PIP5K1C: variants seen among roughly 807,000 people sequenced by gnomAD.
The protein encoded by PIP5K1C is phosphatidylinositol 4-phosphate 5-kinase type-1 gamma.
PIP5K1C carries 45 observed loss-of-function variants against 80.1 expected under a neutral mutation model. The observed-to-expected ratio is 0.56, with a 90% confidence interval of 0.44 to 0.72. The LOEUF is 0.72. Ranked by LOEUF, PIP5K1C falls within the 30% of genes least tolerant of loss-of-function variation. The pLI is 0.00. For missense variants in PIP5K1C, 753 were observed against 954.6 expected, an observed-to-expected ratio of 0.79 and a Z score of 2.78; for synonymous variants, 498 against 420.1, an observed-to-expected ratio of 1.19 and a Z score of -2.27.
chr19:3,638,360 C>A (rs368675729), intron 16 of PIP5K1C, among the ~76,000 whole-genome samples: 1 of 152,100 alleles, frequency 6.6e-6, no homozygotes. Context: ...GGCGTGGGAG[C>A]GTGAAGCCCT....
intron 1 of PIP5K1C, chr19:3,672,501 A>C (rs2145535814): frequency 6.6e-6 from 1 of 152,504 alleles, no homozygotes; most frequent in South Asian, 2.1e-4. Flanking sequence ...TCTGCACAAC[A>C]GGCCTCCGCC....
chr19:3,638,835 A>T (rs1363577399), intron 16 of PIP5K1C, 49 bp downstream of exon 16: 1 of 1,610,430 alleles, frequency 6.2e-7, no homozygotes, highest in Non-Finnish European at 8.5e-7. Flanking sequence ...CGTGTGTGAG[A>T]GAGAGTCCGG....
chr19:3,658,584 C>T (rs1379602565), intron 5 of PIP5K1C, among the ~76,000 whole-genome samples: 2 of 152,218 alleles, frequency 1.3e-5, no homozygotes, highest in African/African-American at 4.8e-5. Context: ...CCTGGGAGGC[C>T]AGGGGACCCC....
intron 1 of PIP5K1C, among the ~76,000 whole-genome samples, chr19:3,680,909 C>T (rs1220751266): frequency 6.6e-6 from 1 of 152,138 alleles, no homozygotes; most frequent in Non-Finnish European, 1.5e-5. Context: ...ATTGTCATGA[C>T]TAAGGGTGCT....
chr19:3,633,405 G>A (rs761506889), intron 17 of PIP5K1C, 32 bp downstream of exon 17: 106 of 1,393,148 alleles, frequency 7.6e-5, no homozygotes, highest in Middle Eastern at 3.7e-4. Context: ...TGGAGCCCAC[G>A]GGACCGGCGG....
chr19:3,637,581 G>A lies in PIP5K1C; in HGVS notation c.1920+1303C>T. ...TCACGGCCCGCAGTCGGCGATGGCG[G>A]GGAGAGTAAATCCAGTACCTCCCAT... On this transcript the variant is annotated intron_variant, in intron 16 of 17. Coordinates refer to ENST00000335312, the MANE Select transcript of PIP5K1C (RefSeq NM_012398.3). The surrounding 1 kb of genome is among the most constrained non-coding windows in gnomAD (Gnocchi z 7.0). 1 of 1,534,496 alleles carries A rather than the reference G, an allele frequency of 6.5e-7. No individual in the cohort carries two copies. Among genetic ancestry groups the A allele is most frequent in the Non-Finnish European group, 8.7e-7 (1 of 1,146,074 alleles).
intron 1 of PIP5K1C, among the ~76,000 whole-genome samples, chr19:3,697,601 A>C (rs543981049): frequency 6.6e-6 from 1 of 152,316 alleles, no homozygotes; most frequent in East Asian, 1.9e-4. Flanking sequence ...CTGAAGGTGA[A>C]GCTGCCATCA....
At chr19:3,653,676 T>C in intron 6 of PIP5K1C, 87 bp from the exon 7 acceptor site, 1 of 1,265,886 alleles carries the variant, frequency 7.9e-7, no homozygotes, top group Non-Finnish European at 1.1e-6. Flanking sequence ...CTCAGGGGGC[T>C]CATGGATGCC....
intron 17 of PIP5K1C, 102 bp downstream of exon 17, chr19:3,633,335 C>T: frequency 2.2e-6 from 2 of 913,538 alleles, no homozygotes; most frequent in Admixed American, 2.9e-5. Context: ...CTGTGCCCTC[C>T]CGCCCCGGGC....
At chr19:3,698,230 C>T (rs920864478) in intron 1 of PIP5K1C, among the ~76,000 whole-genome samples, 18 of 152,350 alleles carry the variant, frequency 1.2e-4, no homozygotes, top group Non-Finnish European at 2.2e-4. Context: ...CCAACCGGCA[C>T]GACAATCACC....
At chr19:3,681,861 T>C (rs529385137) in intron 1 of PIP5K1C, among the ~76,000 whole-genome samples, 1 of 152,036 alleles carries the variant, frequency 6.6e-6, no homozygotes, top group South Asian at 2.1e-4. Context: ...GGGGGTCACT[T>C]AGCCAAACGA....
intron 2 of PIP5K1C, 139 bp downstream of exon 2, chr19:3,667,183 C>T (rs1189709488): frequency 8.1e-6 from 6 of 737,132 alleles, no homozygotes; most frequent in African/African-American, 3.5e-5. Context: ...TCACGTTCAT[C>T]CTGCTTGTGG....
At chr19:3,697,513 A>AGCTGGACCAGGGAGGACCG (rs1568367137) in intron 1 of PIP5K1C, among the ~76,000 whole-genome samples, 1 of 149,162 alleles carries the variant, frequency 6.7e-6, no homozygotes, top group Non-Finnish European at 1.5e-5. Flanking sequence ...AGGGAGGACC[A>AGCTGGACCAGGGAGGACCG]AGCTGGACCC....
At chr19:3,655,978 T>G (rs1324558147) in intron 6 of PIP5K1C, among the ~76,000 whole-genome samples, 1 of 152,222 alleles carries the variant, frequency 6.6e-6, no homozygotes, top group Non-Finnish European at 1.5e-5. Flanking sequence ...GCTGGTCTTT[T>G]GTGGGGTACC....
chr19:3,656,263 G>T, intron 6 of PIP5K1C, 142 bp downstream of exon 6: 1 of 860,798 alleles, frequency 1.2e-6, no homozygotes, highest in Non-Finnish European at 1.9e-6. Flanking sequence ...GGACCCCCGA[G>T]GGTGAGTCCC....
chr19:3,647,320 G>A lies in PIP5K1C; in HGVS notation c.1260+18C>T. The A allele has an allele frequency of 1.3e-6, 2 of 1,561,836 alleles. No individual in the cohort carries two copies. The highest frequency in any genetic ancestry group is 1.7e-6 in the Non-Finnish European group (2 of 1,151,560). On this transcript the variant is annotated intron_variant, in intron 10 of 17. Coordinates refer to ENST00000335312, the MANE Select transcript of PIP5K1C (RefSeq NM_012398.3). ...GGAGGGATGGGAGGAGGAATGGGAG[G>A]AGGGTGCAGGCGCTCACCCCATCGT...
In PIP5K1C at chr19:3,637,799, T is replaced by C; in HGVS notation, c.1920+1085A>G. ...GGCAGGACCGAGGACCCTTCTCCCT[T>C]CTCTGCTGCCCACCTGGCAGGGCAT... On this transcript the variant is annotated intron_variant, in intron 16 of 17. Transcript: ENST00000335312. The surrounding 1 kb of genome is among the most constrained non-coding windows in gnomAD (Gnocchi z 7.0). The C allele has an allele frequency of 1.3e-6, 2 of 1,534,534 alleles. No homozygotes were observed. The highest frequency in any genetic ancestry group is 1.7e-6 in the Non-Finnish European group (2 of 1,146,616).
At chr19:3,676,033 AC>A (rs1225875654) in intron 1 of PIP5K1C, among the ~76,000 whole-genome samples, 2 of 152,162 alleles carry the variant, frequency 1.3e-5, no homozygotes. Context: ...ACAGGATCCC[AC>A]CCAGCCTGAC....
At chr19:3,693,533 C>T (rs770440224) in intron 1 of PIP5K1C, among the ~76,000 whole-genome samples, 1 of 152,212 alleles carries the variant, frequency 6.6e-6, no homozygotes. Flanking sequence ...TCTTGACCGG[C>T]CTGGTCCTGC....
Sources: gnomAD v4.1 joint callset for allele counts (sites outside exome capture counted in the v4.1 genomes callset) on GRCh38, gnomAD v4.1.1 for gene constraint, Gnocchi (gnomAD v3.1) non-coding constraint, MANE v1.5 for transcripts, NCBI Gene and HGNC (gene_info 2026-07-23, HGNC 2026-07-21) for gene names.